The following FER variants were observed in gnomAD, a reference collection of about 807,000 sequenced individuals.
FER encodes FER tyrosine kinase.
Under a neutral mutation model 111.0 loss-of-function variants are expected in FER, and 63 were observed. The observed-to-expected ratio is 0.57, with a 90% confidence interval of 0.46 to 0.70. FER has a LOEUF of 0.70. Ranked by LOEUF, FER falls within the 30% of genes least tolerant of loss-of-function variation. The pLI is 0.00. For missense variants in FER, 914 were observed against 954.0 expected, an observed-to-expected ratio of 0.96 and a Z score of 0.55; for synonymous variants, 327 against 313.9, an observed-to-expected ratio of 1.04 and a Z score of -0.44.
At chr5:108,990,572 TTGA>T (rs1251298412) in intron 13 of FER, among the ~76,000 whole-genome samples, 1 of 151,406 alleles carries the variant, frequency 6.6e-6, no homozygotes, top group African/African-American at 2.4e-5. Context: ...ATGAAGGAAA[TTGA>T]TGAGAGGATA....
intron 10 of FER, among the ~76,000 whole-genome samples, chr5:108,933,864 C>T (rs1420972916): frequency 6.6e-6 from 1 of 152,070 alleles, no homozygotes; most frequent in Non-Finnish European, 1.5e-5. Flanking sequence ...CTCTCTGTAG[C>T]AGTTTTGAAT....
At chr5:108,923,555 C>G (rs1753321128) in intron 10 of FER, among the ~76,000 whole-genome samples, 1 of 152,004 alleles carries the variant, frequency 6.6e-6, no homozygotes, top group African/African-American at 2.4e-5. Flanking sequence ...AATATGATAC[C>G]TGGCATCTAG....
chr5:108,871,533 T>G, intron 7 of FER, 31 bp downstream of exon 7: 4 of 1,516,230 alleles, frequency 2.6e-6, no homozygotes, highest in Non-Finnish European at 3.6e-6. Flanking sequence ...TTTAAGGATT[T>G]ATGACAGTAT....
At chr5:108,993,738 T>C (rs997398143) in intron 13 of FER, among the ~76,000 whole-genome samples, 17 of 152,020 alleles carry the variant, frequency 1.1e-4, no homozygotes, top group African/African-American at 3.6e-4. Context: ...ACTTGGGTGA[T>C]TCCCACCAAC....
rs979285088 is a variant in FER, at chr5:108,927,510, C to G, written c.1237-18620C>G. 4.6e-5 allele frequency among the ~76,000 whole-genome samples: 7 copies of G among 152,018 alleles called. No individual in the cohort carries two copies. In the East Asian group the frequency reaches 1.4e-3, roughly 29 times the overall value. On this transcript the variant is annotated intron_variant, in intron 10 of 19. Transcript: ENST00000281092. The stretch of plus-strand genomic sequence containing the variant: ...TCCTGACCTCATGATCCACCTGCCT[C>G]GGCCTCCCAAAGTGCTGGGATTACA...
At chr5:109,128,822 A>G (rs749077828) in intron 17 of FER, among the ~76,000 whole-genome samples, 2 of 152,088 alleles carry the variant, frequency 1.3e-5, no homozygotes, top group Non-Finnish European at 2.9e-5. Flanking sequence ...AACTTCACAA[A>G]ATGATTCTAA....
chr5:109,051,214 C>A lies in FER; in HGVS notation c.1924+4016C>A, dbSNP rs1244816554. 1.9e-5 allele frequency: 15 copies of A among 781,410 alleles called. No homozygotes were observed. In the East Asian group the frequency reaches 3.6e-4, roughly 19 times the overall value. 48.4% of individuals were successfully genotyped at this position (781,410 alleles called of 1,614,324 possible). ...CCTCATGAATAAGACTGTTGAATAC[C>A]ACCTCCACCGGATCAAAATTAACAC... On this transcript the variant is annotated intron_variant, in intron 16 of 19. Coordinates refer to ENST00000281092, the MANE Select transcript of FER (RefSeq NM_005246.4).
At chr5:108,971,824 G>C (rs1198799166) in intron 13 of FER, among the ~76,000 whole-genome samples, 1 of 151,808 alleles carries the variant, frequency 6.6e-6, no homozygotes, top group Non-Finnish European at 1.5e-5. Context: ...AATATCAAGG[G>C]TTATACATAT....
chr5:108,833,489 CTT>C (rs5870333), intron 4 of FER, among the ~76,000 whole-genome samples: 4 of 145,606 alleles, frequency 2.7e-5, no homozygotes, highest in Admixed American at 6.8e-5. Flanking sequence ...CTCCTACCCA[CTT>C]TTTTTTTTTT....
At chr5:108,862,678 T>TA (rs1314132678) in intron 5 of FER, among the ~76,000 whole-genome samples, 5 of 152,192 alleles carry the variant, frequency 3.3e-5, no homozygotes, top group African/African-American at 1.2e-4. Context: ...AACTGCCTGT[T>TA]TTGTTTTCTT....
intron 2 of FER, among the ~76,000 whole-genome samples, chr5:108,790,689 G>A (rs536641873): frequency 5.3e-5 from 8 of 152,184 alleles, no homozygotes; most frequent in South Asian, 2.1e-4. Flanking sequence ...GAATTCAGCC[G>A]TTGAAATTGT....
chr5:109,035,065 C>T (rs1039137063), intron 13 of FER, among the ~76,000 whole-genome samples: 47 of 135,294 alleles, frequency 3.5e-4, no homozygotes, highest in African/African-American at 1.3e-3. Flanking sequence ...TACTGAGTCT[C>T]GCTCTGTCAT....
intron 10 of FER, 86 bp downstream of exon 10, chr5:108,897,934 A>T: frequency 2.4e-6 from 3 of 1,227,118 alleles, no homozygotes; most frequent in Non-Finnish European, 3.3e-6. Context: ...AATTTGCTAT[A>T]ACAAATTGTT....
At chr5:108,993,476 C>T (rs572238804) in intron 13 of FER, among the ~76,000 whole-genome samples, 1 of 151,950 alleles carries the variant, frequency 6.6e-6, no homozygotes, top group Non-Finnish European at 1.5e-5. Context: ...TGCAGTGAGC[C>T]GAGATGGCAG....
At chr5:108,835,572 C>A in intron 4 of FER, 136 bp from the exon 5 acceptor site, 1 of 473,544 alleles carries the variant, frequency 2.1e-6, no homozygotes, top group Non-Finnish European at 3.8e-6. Context: ...AGTTTATTTT[C>A]TATAGTTGTA....
At chr5:109,010,657 T>TC (rs1766145235) in intron 13 of FER, among the ~76,000 whole-genome samples, 1 of 152,158 alleles carries the variant, frequency 6.6e-6, no homozygotes, top group African/African-American at 2.4e-5. Flanking sequence ...TATATCTTGA[T>TC]CCCCGGTCCA....
Position 109,071,499 on chromosome 5 carries a change from G to A in FER, c.1924+24301G>A, listed in dbSNP as rs565941511. On this transcript the variant is annotated intron_variant, in intron 16 of 19. Transcript: ENST00000281092. ...TTTTATAGTGACAAATAAATGCCTT[G>A]TAATTTTATCTCTATATGTATCATC... Among the ~76,000 whole-genome samples, 8 of 151,992 alleles carry A rather than the reference G, an allele frequency of 5.3e-5. No homozygotes were observed. The South Asian group carries it at 1.7e-3, about 32-fold the overall frequency.
intron 6 of FER, among the ~76,000 whole-genome samples, chr5:108,870,780 G>A (rs1437722893): frequency 3.3e-5 from 5 of 152,042 alleles, no homozygotes; most frequent in Admixed American, 2.6e-4. Context: ...TGGTCTCTGC[G>A]ACAGAATAGT....
At chr5:108,993,734 GT>G (rs987208958) in intron 13 of FER, among the ~76,000 whole-genome samples, 2 of 152,058 alleles carry the variant, frequency 1.3e-5, no homozygotes, top group African/African-American at 2.4e-5. Context: ...AATCACTTGG[GT>G]GATTCCCACC....
Sources: allele counts gnomAD v4.1 joint callset (sites outside exome capture counted in the v4.1 genomes callset), GRCh38; gene constraint gnomAD v4.1.1; transcripts MANE v1.5; gene names NCBI Gene and HGNC (gene_info 2026-07-23, HGNC 2026-07-21).